PCDH11X: variants seen among roughly 807,000 people sequenced by gnomAD.
PCDH11X encodes the protein protocadherin-11 X-linked.
A neutral mutation model predicts 53.3 loss-of-function variants in PCDH11X; 18 were observed. The ratio of observed to expected loss-of-function variants is 0.34; its 90% CI spans 0.23 to 0.50. PCDH11X has a LOEUF of 0.50. Among genes scored for constraint, PCDH11X ranks in the 20% least tolerant of loss-of-function variants. The probability of loss-of-function intolerance (pLI) is 0.98; values close to 1 mark genes in which losing one functional copy is unlikely to be tolerated. For missense variants in PCDH11X, 570 were observed against 1,032.4 expected, an observed-to-expected ratio of 0.55 and a Z score of 6.14; for synonymous variants, 279 against 393.3, an observed-to-expected ratio of 0.71 and a Z score of 3.44.
chrX:92,300,606 T>C (rs12850121), intron 8 of PCDH11X, among the ~76,000 whole-genome samples: 3 of 110,318 alleles, frequency 2.7e-5, no homozygotes, highest in Non-Finnish European at 3.8e-5. Flanking sequence ...GCCTCCCGAG[T>C]AGCTGGGATT....
intron 7 of PCDH11X, among the ~76,000 whole-genome samples, chrX:92,259,827 C>A (rs911530730): frequency 9.0e-6 from 1 of 111,153 alleles, no homozygotes; most frequent in Non-Finnish European, 1.9e-5. Flanking sequence ...CTGCCAGGAT[C>A]GGGTCCTTTC....
At chrX:92,375,156 A>AT (rs2070712546) in intron 8 of PCDH11X, among the ~76,000 whole-genome samples, 1 of 10,748 alleles carries the variant, frequency 9.3e-5, no homozygotes, top group Non-Finnish European at 2.3e-4. Flanking sequence ...ATATATATAT[A>AT]TATATATATA....
At chrX:91,993,491 T>A (rs1373009646) in intron 6 of PCDH11X, among the ~76,000 whole-genome samples, 2 of 112,133 alleles carry the variant, frequency 1.8e-5, no homozygotes, top group South Asian at 7.4e-4. Context: ...TTTTGAATCA[T>A]CCTTTTATAG....
intron 4 of PCDH11X, among the ~76,000 whole-genome samples, chrX:91,820,991 G>A (rs1423378798): frequency 2.8e-5 from 3 of 108,026 alleles, no homozygotes; most frequent in East Asian, 2.9e-4. Flanking sequence ...GTAGATATGC[G>A]GCGTTATTTC....
intron 10 of PCDH11X, among the ~76,000 whole-genome samples, chrX:92,499,635 A>C (rs1471647086): frequency 7.3e-5 from 3 of 41,214 alleles, no homozygotes; most frequent in East Asian, 1.8e-3. Context: ...CCCTGTCTCT[A>C]CAAAAAAAAA....
intron 6 of PCDH11X, among the ~76,000 whole-genome samples, chrX:91,987,708 A>C (rs2062248689): frequency 1.8e-5 from 2 of 111,175 alleles, no homozygotes. Context: ...ATACAACAAG[A>C]GTCAGAAAAA....
intron 6 of PCDH11X, among the ~76,000 whole-genome samples, chrX:92,133,908 G>A (rs2065037824): frequency 2.7e-5 from 3 of 111,650 alleles, no homozygotes; most frequent in African/African-American, 9.8e-5. Flanking sequence ...GCCCAAAGTG[G>A]TAGGGGTACA....
intron 9 of PCDH11X, among the ~76,000 whole-genome samples, chrX:92,424,859 G>A (rs1301432277): frequency 1.0e-5 from 1 of 96,912 alleles, no homozygotes; most frequent in Non-Finnish European, 2.3e-5. Context: ...TGGTATATAT[G>A]GGCTATACTG....
intron 1 of PCDH11X, among the ~76,000 whole-genome samples, chrX:91,781,019 A>T (rs771722617): frequency 1.2e-4 from 14 of 112,240 alleles, no homozygotes; most frequent in African/African-American, 4.2e-4. Flanking sequence ...TAGGCTGCTC[A>T]TGTGAAGCGC....
chrX:92,525,268 G>A (rs1323716008), intron 10 of PCDH11X, among the ~76,000 whole-genome samples: 2 of 111,228 alleles, frequency 1.8e-5, no homozygotes, highest in East Asian at 5.7e-4. Flanking sequence ...ACAATGTAAA[G>A]AAGATAAAAA....
chrX:91,901,893 A>C (rs1250347332), intron 6 of PCDH11X, among the ~76,000 whole-genome samples: 1 of 112,020 alleles, frequency 8.9e-6, no homozygotes, highest in Non-Finnish European at 1.9e-5. Flanking sequence ...AGTTTGAAGA[A>C]GCCATTAAGG....
At chrX:91,781,370 T>C (rs931995746) in intron 1 of PCDH11X, among the ~76,000 whole-genome samples, 27 of 111,149 alleles carry the variant, frequency 2.4e-4, no homozygotes, top group East Asian at 8.7e-4. Flanking sequence ...GCCTGTGCGC[T>C]CTTAGCGCTG....
intron 6 of PCDH11X, among the ~76,000 whole-genome samples, chrX:92,108,687 G>C (rs1037979840): frequency 9.0e-6 from 1 of 111,343 alleles, no homozygotes; most frequent in Non-Finnish European, 1.9e-5. Flanking sequence ...TAATGCATCC[G>C]TAAACATAAC....
At chrX:92,577,225 C>T (rs1456031010) in intron 10 of PCDH11X, among the ~76,000 whole-genome samples, 3 of 110,577 alleles carry the variant, frequency 2.7e-5, no homozygotes, top group Non-Finnish European at 5.7e-5. Context: ...TTGTAGAACT[C>T]ATTATTGGTC....
chrX:92,505,217 C>CTT (rs35567791), intron 10 of PCDH11X, among the ~76,000 whole-genome samples: 2 of 39,771 alleles, frequency 5.0e-5, no homozygotes, highest in African/African-American at 2.3e-4. Flanking sequence ...TCACACTTGT[C>CTT]TTTTTTTTTT....
chrX:92,373,932 G>A (rs1275642736), intron 8 of PCDH11X, among the ~76,000 whole-genome samples: 2 of 110,986 alleles, frequency 1.8e-5, no homozygotes, highest in African/African-American at 3.3e-5. Flanking sequence ...AGACTTCACA[G>A]CACTCATCCT....
chrX:92,265,018 T>A, intron 8 of PCDH11X, among the ~76,000 whole-genome samples: 1 of 107,271 alleles, frequency 9.3e-6, no homozygotes, highest in South Asian at 4.2e-4. Context: ...CAACAGAAAA[T>A]GCTTTTCTTT....
At chrX:92,297,622 G>A (rs2068634740) in intron 8 of PCDH11X, among the ~76,000 whole-genome samples, 1 of 111,098 alleles carries the variant, frequency 9.0e-6, no homozygotes. Context: ...GGATTGCTTT[G>A]ACTATTAGGG....
intron 8 of PCDH11X, among the ~76,000 whole-genome samples, chrX:92,304,580 A>G (rs2148473909): frequency 8.9e-6 from 1 of 111,820 alleles, no homozygotes; most frequent in African/African-American, 3.2e-5. Flanking sequence ...AGGATAATAT[A>G]TTGTTGGAGC....
Sources: allele counts gnomAD v4.1 joint callset (sites outside exome capture counted in the v4.1 genomes callset), GRCh38; gene constraint gnomAD v4.1.1; transcripts MANE v1.5; gene names NCBI Gene and HGNC (gene_info 2026-07-23, HGNC 2026-07-21).